PCDH15: variants seen among roughly 807,000 people sequenced by gnomAD.
PCDH15 encodes the protein protocadherin-15.
Under a neutral mutation model 178.5 loss-of-function variants are expected in PCDH15, and 129 were observed. The ratio of observed to expected loss-of-function variants is 0.72; its 90% CI spans 0.63 to 0.84. The LOEUF is 0.84. Ranked by LOEUF, PCDH15 falls within the 40% of genes least tolerant of loss-of-function variation. The pLI is 0.00. For missense variants in PCDH15, 2,230 were observed against 2,099.9 expected (o/e 1.06, Z -1.21); for synonymous variants, 800 against 732.0 (o/e 1.09, Z -1.50).
chr10:54,716,729 T>A (rs1368903654), intron 1 of PCDH15, among the ~76,000 whole-genome samples: 4 of 151,980 alleles, frequency 2.6e-5, no homozygotes, highest in Non-Finnish European at 5.9e-5. Context: ...AAGCTACCAA[T>A]GACTTTCTTC....
intron 3 of PCDH15, among the ~76,000 whole-genome samples, chr10:54,408,044 G>A (rs1266159194): frequency 3.0e-5 from 3 of 100,176 alleles, no homozygotes; most frequent in Non-Finnish European, 4.0e-5. Flanking sequence ...GACAGAATGA[G>A]ACTCTGTCAA....
intron 18 of PCDH15, among the ~76,000 whole-genome samples, chr10:54,035,065 T>C (rs140881720): frequency 2.5e-3 from 380 of 151,922 alleles, no homozygotes; most frequent in Non-Finnish European, 3.5e-3. Flanking sequence ...TATTTCAATA[T>C]CAATTGGCCA....
intron 1 of PCDH15, among the ~76,000 whole-genome samples, chr10:55,252,603 C>T (rs1396605982): frequency 1.3e-5 from 2 of 151,766 alleles, no homozygotes; most frequent in African/African-American, 4.8e-5. Context: ...GTAATATAAA[C>T]ATTAATTAGC....
At chr10:54,479,374 A>C (rs1452894094) in intron 3 of PCDH15, among the ~76,000 whole-genome samples, 3 of 152,018 alleles carry the variant, frequency 2.0e-5, no homozygotes, top group African/African-American at 7.2e-5. Flanking sequence ...CTTAAAACTT[A>C]AATGTGTGTG....
intron 2 of PCDH15, among the ~76,000 whole-genome samples, chr10:54,944,205 G>A (rs1176997171): frequency 1.3e-5 from 2 of 151,856 alleles, no homozygotes; most frequent in East Asian, 1.9e-4. Flanking sequence ...GTAAAACTGT[G>A]GTATGGTAGC....
intron 1 of PCDH15, among the ~76,000 whole-genome samples, chr10:54,726,618 C>G (rs1270565589): frequency 1.3e-5 from 2 of 151,332 alleles, no homozygotes; most frequent in Non-Finnish European, 3.0e-5. Flanking sequence ...TCGAGATTCA[C>G]AACAAAGTAT....
At chr10:54,996,470 G>A (rs978032478) in intron 2 of PCDH15, among the ~76,000 whole-genome samples, 13 of 152,242 alleles carry the variant, frequency 8.5e-5, no homozygotes, top group African/African-American at 2.6e-4. Context: ...TGTGGATTGT[G>A]TTTTGGTTAT....
At chr10:55,465,203 G>T (rs1009569625) in intron 2 of PCDH15, among the ~76,000 whole-genome samples, 2 of 152,172 alleles carry the variant, frequency 1.3e-5, no homozygotes, top group African/African-American at 4.8e-5. Flanking sequence ...TGCAGGGTAG[G>T]CTAACAGGCT....
At chr10:53,904,023 A>G (rs1316591424) in intron 25 of PCDH15, among the ~76,000 whole-genome samples, 1 of 152,154 alleles carries the variant, frequency 6.6e-6, no homozygotes, top group Non-Finnish European at 1.5e-5. Context: ...ATAACAGTAA[A>G]TGTACCATAA....
chr10:55,521,517 G>C (rs573003896), intron 2 of PCDH15, among the ~76,000 whole-genome samples: 2 of 151,924 alleles, frequency 1.3e-5, no homozygotes, highest in African/African-American at 2.4e-5. Context: ...TTATAATAGG[G>C]TCATATCCAG....
chr10:55,383,025 G>A (rs1837574212), intron 2 of PCDH15, among the ~76,000 whole-genome samples: 1 of 152,112 alleles, frequency 6.6e-6, no homozygotes, highest in South Asian at 2.1e-4. Flanking sequence ...ATACTATCCT[G>A]TTGGTACCAG....
intron 1 of PCDH15, among the ~76,000 whole-genome samples, chr10:54,667,368 G>A (rs149639560): frequency 2.6e-5 from 4 of 151,970 alleles, no homozygotes; most frequent in East Asian, 1.9e-4. Flanking sequence ...TAATGAAAAG[G>A]TACCTCCCAC....
intron 2 of PCDH15, among the ~76,000 whole-genome samples, chr10:54,943,078 T>G (rs1308092895): frequency 1.3e-5 from 2 of 152,006 alleles, no homozygotes; most frequent in African/African-American, 2.4e-5. Context: ...AATCACAAAT[T>G]TATTTGTTTT....
chr10:54,117,672 G>A (rs184865351), intron 15 of PCDH15, among the ~76,000 whole-genome samples: 166 of 152,228 alleles, frequency 1.1e-3, no homozygotes, highest in Non-Finnish European at 1.8e-3. Flanking sequence ...CCCAAAGTGT[G>A]TAGCTCCTTT....
chr10:54,149,832 C>T (rs1449857954), intron 14 of PCDH15, among the ~76,000 whole-genome samples: 2 of 152,106 alleles, frequency 1.3e-5, no homozygotes, highest in African/African-American at 4.8e-5. Flanking sequence ...ATTGCAGTGG[C>T]TTGGACTGGA....
chr10:55,115,271 T>A (rs192898314), intron 2 of PCDH15, among the ~76,000 whole-genome samples: 21 of 152,302 alleles, frequency 1.4e-4, no homozygotes, highest in Middle Eastern at 3.4e-3. Context: ...AAGACATTTT[T>A]AAAAAATCTT....
chr10:54,002,143 C>A (rs182860307), intron 20 of PCDH15, among the ~76,000 whole-genome samples: 2 of 150,142 alleles, frequency 1.3e-5, no homozygotes, highest in East Asian at 3.9e-4. Flanking sequence ...TATATATATA[C>A]ACATACACAC....
intron 3 of PCDH15, among the ~76,000 whole-genome samples, chr10:54,890,763 T>A (rs1394691080): frequency 6.6e-6 from 1 of 152,078 alleles, no homozygotes; most frequent in Non-Finnish European, 1.5e-5. Context: ...GTGGTAGGCC[T>A]GGCACATGTC....
At chr10:55,070,594 C>T (rs1020177764) in intron 2 of PCDH15, among the ~76,000 whole-genome samples, 95 of 152,106 alleles carry the variant, frequency 6.2e-4, no homozygotes, top group African/African-American at 1.5e-3. Context: ...GTTGTAGATA[C>T]GTGGCGTTAT....
Sources: allele counts gnomAD v4.1 joint callset (sites outside exome capture counted in the v4.1 genomes callset), GRCh38; gene constraint gnomAD v4.1.1; transcripts MANE v1.5; gene names NCBI Gene and HGNC (gene_info 2026-07-23, HGNC 2026-07-21).